The following ATP9B variants were observed in gnomAD, a reference collection of about 807,000 sequenced individuals.
The protein encoded by ATP9B is ATPase phospholipid transporting 9B, also known as probable phospholipid-transporting ATPase IIB.
A neutral mutation model predicts 146.1 loss-of-function variants in ATP9B; 110 were observed. The observed-to-expected ratio is 0.75, with a 90% CI of 0.65 to 0.88. The LOEUF (loss-of-function observed/expected upper bound fraction) is 0.88, where lower values mean the gene tolerates loss of function less well. Ranked by LOEUF, ATP9B falls within the 40% of genes least tolerant of loss-of-function variation. The pLI is 0.00. For synonymous variants in ATP9B, 604 were observed against 569.7 expected (o/e 1.06, Z -0.86); for missense variants, 1,499 against 1,496.4 (o/e 1.00, Z -0.03).
At chr18:79,303,553 TCCCGCAGG>T (rs746542730) in intron 13 of ATP9B, 43 bp from the exon 14 acceptor site, 2 of 1,475,546 alleles carry the variant, frequency 1.4e-6, no homozygotes, top group African/African-American at 2.8e-5. Context: ...AGCTGGGTGT[TCCCGCAGG>T]CCTCCTGCAT....
At chr18:79,256,048 A>G (rs1303010376) in intron 12 of ATP9B, among the ~76,000 whole-genome samples, 1 of 151,894 alleles carries the variant, frequency 6.6e-6, no homozygotes, top group Non-Finnish European at 1.5e-5. Context: ...TAAATATTCC[A>G]TGTGTGCTTT....
At chr18:79,234,634 G>C (rs1434491467) in intron 11 of ATP9B, among the ~76,000 whole-genome samples, 8 of 138,620 alleles carry the variant, frequency 5.8e-5, no homozygotes, top group African/African-American at 1.5e-4. Flanking sequence ...TGCTGTGGGT[G>C]TGCTGCTGTG....
intron 12 of ATP9B, chr18:79,255,361 C>T (rs1180113475): frequency 6.6e-6 from 1 of 152,312 alleles, no homozygotes; most frequent in Non-Finnish European, 1.5e-5. Context: ...GTTGTTCAGC[C>T]TAAGCACTCA....
At chr18:79,321,318 C>G (rs987891147) in intron 15 of ATP9B, among the ~76,000 whole-genome samples, 4 of 152,066 alleles carry the variant, frequency 2.6e-5, no homozygotes, top group Admixed American at 2.6e-4. Flanking sequence ...AATTCAGGAG[C>G]AAAGATGCTA....
intron 5 of ATP9B, among the ~76,000 whole-genome samples, chr18:79,126,787 G>A (rs1404903636): frequency 6.6e-6 from 1 of 152,150 alleles, no homozygotes; most frequent in Non-Finnish European, 1.5e-5. Context: ...AAGTACAGAG[G>A]CCTTTGAACA....
At chr18:79,335,625 T>C (rs1488043073) in intron 17 of ATP9B, among the ~76,000 whole-genome samples, 1 of 152,190 alleles carries the variant, frequency 6.6e-6, no homozygotes, top group Non-Finnish European at 1.5e-5. Context: ...GCTTGTGAGC[T>C]TTGGGATCTG....
chr18:79,200,790 G>GAGGTGGGAACTGTCGGGGTC (rs2095478304), intron 9 of ATP9B, among the ~76,000 whole-genome samples: 1 of 152,130 alleles, frequency 6.6e-6, no homozygotes, highest in Admixed American at 6.5e-5. Flanking sequence ...AGTAGTGGTG[G>GAGGTGGGAACTGTCGGGGTC]AATTGTTTTC....
Position 79,113,260 on chromosome 18 carries a change from A to C in ATP9B, c.464A>C (p.Lys155Thr), listed in dbSNP as rs773244729. Residue 155 changes from lysine (K) to threonine (T), a missense_variant, in exon 4 of 30, where the codon AAG (lysine) becomes ACG (threonine). Coordinates refer to ENST00000426216, the MANE Select transcript of ATP9B (RefSeq NM_198531.5). ...FIPGVLYEQF[K>T]FFLNLYFLVI... ...TTTTAGGTTTTGTATGAACAATTCA[A>C]GTTTTTCTTGAATCTCTATTTTCTA... is the stretch of plus-strand genomic sequence containing the variant. 6.3e-6 allele frequency: 10 copies of C among 1,585,418 alleles called. No individual in the cohort carries two copies. The highest frequency in any genetic ancestry group is 8.6e-6 in the Non-Finnish European group (10 of 1,161,464).
At chr18:79,086,088 C>G (rs1206847277) in intron 1 of ATP9B, 1 of 151,598 alleles carries the variant, frequency 6.6e-6, no homozygotes, top group African/African-American at 2.4e-5. Context: ...TTGTCCAGTC[C>G]CAGGATTCAT....
At chr18:79,183,377 C>A (rs1283765551) in intron 8 of ATP9B, among the ~76,000 whole-genome samples, 1 of 152,090 alleles carries the variant, frequency 6.6e-6, no homozygotes, top group Non-Finnish European at 1.5e-5. Flanking sequence ...ATTAATCTTT[C>A]ACTGTTTTCC....
At chr18:79,347,565 G>A (rs1215630512) in intron 23 of ATP9B, among the ~76,000 whole-genome samples, 2 of 152,238 alleles carry the variant, frequency 1.3e-5, no homozygotes, top group African/African-American at 4.8e-5. Flanking sequence ...GCACTTGTGA[G>A]AGCCTGGGCT....
intron 1 of ATP9B, among the ~76,000 whole-genome samples, chr18:79,073,427 G>C (rs1016925344): frequency 6.6e-6 from 1 of 152,246 alleles, no homozygotes; most frequent in Admixed American, 6.5e-5. Context: ...AGGAGCCGGA[G>C]ACCAGCCTGG....
At chr18:79,372,240 CGTCCCCTGCCTCCTGCCCCCT>C in intron 26 of ATP9B, 1 of 150,506 alleles carries the variant, frequency 6.6e-6, no homozygotes, top group African/African-American at 2.6e-5. Context: ...CCTGCCCCCT[CGTCCCCTGCCTCCTGCCCCCT>C]CGTCACCTGC....
At chr18:79,134,431 C>T (rs2094423159) in intron 5 of ATP9B, among the ~76,000 whole-genome samples, 1 of 152,172 alleles carries the variant, frequency 6.6e-6, no homozygotes, top group African/African-American at 2.4e-5. Context: ...CTCTCAGTTT[C>T]GTGAGCTTGG....
chr18:79,178,876 A>G (rs1190763848), intron 8 of ATP9B, among the ~76,000 whole-genome samples: 1 of 152,192 alleles, frequency 6.6e-6, no homozygotes, highest in Admixed American at 6.5e-5. Flanking sequence ...TGGCCTTATA[A>G]TGAGTTGGGG....
At chr18:79,327,288 G>A (rs1294611581) in intron 15 of ATP9B, among the ~76,000 whole-genome samples, 1 of 152,206 alleles carries the variant, frequency 6.6e-6, no homozygotes, top group Admixed American at 6.5e-5. Context: ...TGAGGTTGTG[G>A]TTTAAGAAGA....
At chr18:79,092,533 C>T (rs370124788) in intron 1 of ATP9B, among the ~76,000 whole-genome samples, 4 of 151,046 alleles carry the variant, frequency 2.6e-5, no homozygotes, top group South Asian at 2.1e-4. Context: ...TTTGTAATAA[C>T]GCTTAGTTTA....
At chr18:79,190,513 C>T (rs886845185) in intron 8 of ATP9B, among the ~76,000 whole-genome samples, 1 of 105,452 alleles carries the variant, frequency 9.5e-6, no homozygotes, top group Non-Finnish European at 2.2e-5. Flanking sequence ...TTTATTTATA[C>T]ACACACACAC....
intron 4 of ATP9B, among the ~76,000 whole-genome samples, chr18:79,119,531 T>C (rs148832947): frequency 3.9e-5 from 6 of 152,358 alleles, no homozygotes; most frequent in African/African-American, 1.4e-4. Context: ...AAGCAACTAC[T>C]TCAATATTCA....
Sources: allele counts gnomAD v4.1 joint callset (sites outside exome capture counted in the v4.1 genomes callset), GRCh38; gene constraint gnomAD v4.1.1; transcripts MANE v1.5; gene names NCBI Gene and HGNC (gene_info 2026-07-23, HGNC 2026-07-21).